Variants in KATNBL1 observed in about 807,000 individuals in gnomAD.
KATNBL1 encodes the protein KATNB1-like protein 1.
In KATNBL1, 28 loss-of-function variants were observed where a neutral mutation model predicts 44.7. The observed-to-expected ratio is 0.63, with a 90% CI of 0.46 to 0.86. The LOEUF is 0.86. KATNBL1 is among the 40% of genes least tolerant of loss of function. The pLI is 0.00. For missense variants in KATNBL1, 272 were observed against 350.7 expected (o/e 0.78, Z 1.79); for synonymous variants, 78 against 114.9 (o/e 0.68, Z 2.06).
chr15:34,163,642 T>G lies in KATNBL1; in HGVS notation c.35A>C (p.Asn12Thr). The change falls in exon 2 of 10, where the codon AAC (asparagine) becomes ACC (threonine). Residue 12 changes from asparagine (N) to threonine (T), a missense_variant. By Grantham distance (65) the Asn-to-Thr change is moderately conservative. Transcript: ENST00000256544. ...ATGATCCTCAATCTTATTACAAAAG[T>G]TCCGTTTTTTAACATTGTGGGTTTC... ...ASETHNVKKR[N>T]FCNKIEDHFI... 6.3e-7 allele frequency: 1 copy of G among 1,595,882 alleles called. No individual in the cohort carries two copies. Among genetic ancestry groups the G allele is most frequent in the Non-Finnish European group, 8.5e-7 (1 of 1,173,328 alleles).
intron 5 of KATNBL1, 58 bp from the exon 6 acceptor site, chr15:34,147,488 AT>A: frequency 7.4e-7 from 1 of 1,345,816 alleles, no homozygotes; most frequent in South Asian, 1.2e-5. Flanking sequence ...ATTTACTTTC[AT>A]ATTATGATTA....
chr15:34,192,393 G>A (rs1398015787), intron 1 of KATNBL1, among the ~76,000 whole-genome samples: 1 of 134,844 alleles, frequency 7.4e-6, no homozygotes, highest in East Asian at 2.0e-4. Context: ...GACAGAGTGA[G>A]ACTCCATCTC....
chr15:34,173,489 G>A (rs765986506), intron 1 of KATNBL1, among the ~76,000 whole-genome samples: 9 of 152,168 alleles, frequency 5.9e-5, no homozygotes, highest in African/African-American at 9.6e-5. Context: ...TAAGAGAAAC[G>A]TATCTTCAGA....
chr15:34,145,189 A>C, intron 9 of KATNBL1: 2 of 1,364,664 alleles, frequency 1.5e-6, no homozygotes, highest in Admixed American at 4.4e-5. Flanking sequence ...GGGGCTGTAC[A>C]TGAAACATGT....
chr15:34,153,575 AT>A (rs902893247), intron 3 of KATNBL1, among the ~76,000 whole-genome samples: 198 of 146,668 alleles, frequency 1.3e-3, no homozygotes, highest in Middle Eastern at 3.6e-3. Flanking sequence ...TGACTCAAAA[AT>A]TTTTTTTTTT....
chr15:34,178,370 C>G (rs1235152525), intron 1 of KATNBL1, among the ~76,000 whole-genome samples: 1 of 152,058 alleles, frequency 6.6e-6, no homozygotes, highest in African/African-American at 2.4e-5. Context: ...TAAGGCCCAC[C>G]AGGAGATTCA....
In KATNBL1 at chr15:34,140,960, G is replaced by GT; in HGVS notation, c.*1378dup. ...AGAGCAAGAAATCTGCTTGAGATTC[G>GT]TATCAGTAGTCATTAAACGAATAAA... On this transcript the variant is annotated 3_prime_UTR_variant, in exon 10 of 10. Transcript: ENST00000256544. The GT allele has an allele frequency of 6.6e-6, 1 of 152,234 alleles. No homozygotes were observed. The highest frequency in any genetic ancestry group is 1.9e-4 in the East Asian group (1 of 5,190). The allele number at this position is 152,234 out of a possible 1,614,324, so 9.4% of individuals were successfully genotyped here. A position where few individuals can be genotyped will look rare whatever the true frequency, so the allele number is the denominator to read the frequency against.
At chr15:34,178,755 CAA>C (rs59061813) in intron 1 of KATNBL1, among the ~76,000 whole-genome samples, 74,993 of 123,432 alleles carry the variant, frequency 0.61, 20,989 homozygotes, top group East Asian at 0.73. Flanking sequence ...GACTCTGTCT[CAA>C]AAAAAAAAAA....
At chr15:34,203,609 T>A (rs967619187) in intron 1 of KATNBL1, among the ~76,000 whole-genome samples, 1 of 152,240 alleles carries the variant, frequency 6.6e-6, no homozygotes, top group Admixed American at 6.5e-5. Context: ...TTATTGCCCA[T>A]GACCTCTCAC....
At chr15:34,190,530 A>C (rs1481067894) in intron 1 of KATNBL1, among the ~76,000 whole-genome samples, 1 of 152,228 alleles carries the variant, frequency 6.6e-6, no homozygotes, top group Non-Finnish European at 1.5e-5. Flanking sequence ...TATACTCAAA[A>C]TTCAGAATCC....
chr15:34,188,527 G>C (rs1889787857), intron 1 of KATNBL1, among the ~76,000 whole-genome samples: 1 of 152,172 alleles, frequency 6.6e-6, no homozygotes, highest in East Asian at 1.9e-4. Flanking sequence ...CTGTACTCCA[G>C]GTTGGGCAAC....
At chr15:34,170,244 C>G (rs1392034838) in intron 1 of KATNBL1, among the ~76,000 whole-genome samples, 1 of 152,232 alleles carries the variant, frequency 6.6e-6, no homozygotes, top group Non-Finnish European at 1.5e-5. Context: ...AGCAAAGTCT[C>G]AGGACACAAA....
chr15:34,200,862 G>A (rs1890161697), intron 1 of KATNBL1, among the ~76,000 whole-genome samples: 1 of 151,932 alleles, frequency 6.6e-6, no homozygotes, highest in Non-Finnish European at 1.5e-5. Context: ...CTGTCGCCAG[G>A]CTGGAGTGCA....
intron 1 of KATNBL1, chr15:34,198,125 C>G (rs1890074926): frequency 6.6e-6 from 1 of 152,132 alleles, no homozygotes; most frequent in Non-Finnish European, 1.5e-5. Flanking sequence ...CTTCTTAAGC[C>G]TTGCAACATA....
intron 1 of KATNBL1, among the ~76,000 whole-genome samples, chr15:34,189,562 C>T (rs929055695): frequency 5.3e-5 from 8 of 152,144 alleles, no homozygotes; most frequent in Non-Finnish European, 1.0e-4. Context: ...AACTTGATAT[C>T]ACAAAATATG....
chr15:34,194,407 G>A (rs576279761), intron 1 of KATNBL1, among the ~76,000 whole-genome samples: 1 of 152,042 alleles, frequency 6.6e-6, no homozygotes, highest in Non-Finnish European at 1.5e-5. Flanking sequence ...CCATGAGTTT[G>A]AGGCCAGCCT....
intron 1 of KATNBL1, among the ~76,000 whole-genome samples, chr15:34,191,663 C>T (rs1381819093): frequency 6.6e-6 from 1 of 151,968 alleles, no homozygotes; most frequent in Non-Finnish European, 1.5e-5. Context: ...AGAAATCCAT[C>T]CTGGCTGGGC....
At chr15:34,203,314 G>A (rs377284318) in intron 1 of KATNBL1, among the ~76,000 whole-genome samples, 2 of 152,120 alleles carry the variant, frequency 1.3e-5, no homozygotes, top group South Asian at 4.1e-4. Context: ...CAAGCTGTCC[G>A]TTTCTTTCCA....
intron 4 of KATNBL1, among the ~76,000 whole-genome samples, chr15:34,151,435 ACTTTTTTTTTTTTTTTTTT>A (rs1313039481): frequency 7.8e-5 from 5 of 63,828 alleles, no homozygotes; most frequent in Non-Finnish European, 1.3e-4. Flanking sequence ...TCCTTTGCCT[ACTTTTTTTTTTTTTTTTTT>A]TTTTTTTTTT....
Sources: gnomAD v4.1 joint callset for allele counts (sites outside exome capture counted in the v4.1 genomes callset) on GRCh38, gnomAD v4.1.1 for gene constraint, MANE v1.5 for transcripts, NCBI Gene and HGNC (gene_info 2026-07-23, HGNC 2026-07-21) for gene names.